IQCM: variants seen among roughly 807,000 people sequenced by gnomAD.
The protein encoded by IQCM is IQ motif containing M, also known as IQ domain-containing protein M.
Under a neutral mutation model 57.6 loss-of-function variants are expected in IQCM, and 45 were observed. The ratio of observed to expected loss-of-function variants is 0.78; its 90% CI spans 0.62 to 1.00. The LOEUF (loss-of-function observed/expected upper bound fraction) is 1.00. Among genes scored for constraint, IQCM ranks in the 50% least tolerant of loss-of-function variants. The pLI is 0.00. For synonymous variants in IQCM, 148 were observed against 158.9 expected (o/e 0.93, Z 0.51); for missense variants, 468 against 511.6 (o/e 0.91, Z 0.82).
intron 7 of IQCM, among the ~76,000 whole-genome samples, chr4:149,660,800 G>A (rs1449145392): frequency 6.6e-6 from 1 of 151,970 alleles, no homozygotes; most frequent in Non-Finnish European, 1.5e-5. Flanking sequence ...CATGGACACA[G>A]GAAGGGGAAC....
intron 7 of IQCM, among the ~76,000 whole-genome samples, chr4:149,678,954 T>C (rs1761975558): frequency 6.6e-6 from 1 of 151,700 alleles, no homozygotes. Flanking sequence ...GTACAGACAT[T>C]ATTCAGAACA....
intron 12 of IQCM, among the ~76,000 whole-genome samples, chr4:149,494,722 A>G (rs747041175): frequency 4.6e-5 from 7 of 152,112 alleles, no homozygotes; most frequent in African/African-American, 7.2e-5. Context: ...CCCATGAGAC[A>G]GGAGAGACTG....
intron 2 of IQCM, among the ~76,000 whole-genome samples, chr4:149,779,166 C>T (rs1011750798): frequency 6.6e-6 from 1 of 152,088 alleles, no homozygotes; most frequent in Admixed American, 6.5e-5. Context: ...TCAATGCTGG[C>T]TTCATATTCA....
At position 149,359,030 on chromosome 4, in the gene IQCM, CAAGGAAATT is replaced by C. The variant is rs1729282369; in HGVS notation, c.1391-6973_1391-6965del. Among the ~76,000 whole-genome samples, 4 of 152,006 alleles carry C rather than the reference CAAGGAAATT, an allele frequency of 2.6e-5. No individual in the cohort carries two copies. The South Asian group carries it at 8.3e-4, about 32-fold the overall frequency. On this transcript the variant is annotated intron_variant, in intron 13 of 13. Transcript: ENST00000636793. Reference sequence around the variant, plus strand: ...TGAAAAAACCTAAAGAAGGGGACATCAAGGAAATTTCCCTGTTTCCATAAGCTGGGTAGA... The same window carrying C: ...TGAAAAAACCTAAAGAAGGGGACATCTCCCTGTTTCCATAAGCTGGGTAGA...
intron 12 of IQCM, among the ~76,000 whole-genome samples, chr4:149,545,013 G>C (rs939288763): frequency 1.1e-4 from 17 of 151,872 alleles, no homozygotes; most frequent in African/African-American, 3.4e-4. Context: ...GACCCCAAAA[G>C]CACAGGTGAC....
intron 12 of IQCM, among the ~76,000 whole-genome samples, chr4:149,516,271 A>G (rs1017885773): frequency 6.6e-6 from 1 of 152,174 alleles, no homozygotes; most frequent in African/African-American, 2.4e-5. Context: ...TGGAATAGAC[A>G]CTTACTCTGG....
At chr4:149,534,804 C>A (rs778459156) in intron 12 of IQCM, among the ~76,000 whole-genome samples, 1 of 151,996 alleles carries the variant, frequency 6.6e-6, no homozygotes, top group Non-Finnish European at 1.5e-5. Flanking sequence ...AATCAAAATA[C>A]CAAAATGAAA....
At chr4:149,493,573 C>T (rs1280366365) in intron 12 of IQCM, among the ~76,000 whole-genome samples, 2 of 152,034 alleles carry the variant, frequency 1.3e-5, no homozygotes, top group Non-Finnish European at 2.9e-5. Context: ...AGAGCAATCT[C>T]CTGTGTTTGC....
intron 12 of IQCM, among the ~76,000 whole-genome samples, chr4:149,467,380 G>A (rs1419033007): frequency 1.3e-5 from 2 of 152,190 alleles, no homozygotes; most frequent in Non-Finnish European, 2.9e-5. Flanking sequence ...CAACAAATAT[G>A]TATTGAGTAT....
chr4:149,521,920 C>T (rs1479667890), intron 12 of IQCM, among the ~76,000 whole-genome samples: 1 of 152,286 alleles, frequency 6.6e-6, no homozygotes, highest in Admixed American at 6.5e-5. Flanking sequence ...GCATCCAACG[C>T]AAGAAACACT....
chr4:149,777,750 A>G (rs1275359529), intron 2 of IQCM, among the ~76,000 whole-genome samples: 1 of 152,242 alleles, frequency 6.6e-6, no homozygotes, highest in Admixed American at 6.5e-5. Context: ...ATTATATAAA[A>G]TAAGCATTGG....
chr4:149,630,264 G>T (rs1223838262), intron 7 of IQCM, among the ~76,000 whole-genome samples: 1 of 152,158 alleles, frequency 6.6e-6, no homozygotes, highest in African/African-American at 2.4e-5. Flanking sequence ...CAGTTCTTGC[G>T]GGCAATGGAC....
chr4:149,445,519 C>G (rs1736413228), intron 12 of IQCM, among the ~76,000 whole-genome samples: 1 of 151,684 alleles, frequency 6.6e-6, no homozygotes, highest in Non-Finnish European at 1.5e-5. Flanking sequence ...ATAAAAGAAC[C>G]TGGTAAGATC....
intron 12 of IQCM, among the ~76,000 whole-genome samples, chr4:149,445,273 A>T (rs939761243): frequency 3.3e-5 from 5 of 151,864 alleles, no homozygotes; most frequent in African/African-American, 1.2e-4. Context: ...CTGTCAAGGT[A>T]GGATAAACCT....
intron 12 of IQCM, among the ~76,000 whole-genome samples, chr4:149,473,924 A>G (rs920204626): frequency 1.3e-5 from 2 of 152,142 alleles, no homozygotes; most frequent in Non-Finnish European, 2.9e-5. Context: ...GAATTGAACA[A>G]TGAGAACAAT....
chr4:149,720,671 C>G (rs183325033), intron 5 of IQCM, among the ~76,000 whole-genome samples: 1 of 152,150 alleles, frequency 6.6e-6, no homozygotes, highest in African/African-American at 2.4e-5. Flanking sequence ...AAAGGGCAAG[C>G]AAAAGAAAAT....
chr4:149,647,066 C>T (rs1328152496), intron 7 of IQCM, among the ~76,000 whole-genome samples: 1 of 152,096 alleles, frequency 6.6e-6, no homozygotes, highest in Non-Finnish European at 1.5e-5. Context: ...CTTTTCTCCC[C>T]CTTCTTGTCC....
At chr4:149,713,249 C>A (rs561990295) in intron 5 of IQCM, among the ~76,000 whole-genome samples, 1 of 152,112 alleles carries the variant, frequency 6.6e-6, no homozygotes, top group African/African-American at 2.4e-5. Flanking sequence ...ATACTACCAC[C>A]TTTTTACCCT....
intron 12 of IQCM, among the ~76,000 whole-genome samples, chr4:149,454,239 C>CAT (rs981735760): frequency 9.0e-4 from 134 of 148,640 alleles, no homozygotes; most frequent in Middle Eastern, 3.5e-3. Flanking sequence ...GGTGTATATA[C>CAT]ATATATATAT....
Sources: allele counts gnomAD v4.1 joint callset (sites outside exome capture counted in the v4.1 genomes callset), GRCh38; gene constraint gnomAD v4.1.1; transcripts MANE v1.5; gene names NCBI Gene and HGNC (gene_info 2026-07-23, HGNC 2026-07-21).